The following SNTB1 variants were observed in gnomAD, a reference collection of about 807,000 sequenced individuals.
The protein encoded by SNTB1 is beta-1-syntrophin.
Under a neutral mutation model 48.9 loss-of-function variants are expected in SNTB1, and 36 were observed. That is an observed-to-expected ratio of 0.74 (90% CI 0.56 to 0.97). The LOEUF is 0.97. Among genes scored for constraint, SNTB1 ranks in the 50% least tolerant of loss-of-function variants. The pLI is 0.00. For synonymous variants in SNTB1, 299 were observed against 294.6 expected, an observed-to-expected ratio of 1.01 and a Z score of -0.15; for missense variants, 786 against 703.4, an observed-to-expected ratio of 1.12 and a Z score of -1.33.
intron 2 of SNTB1, among the ~76,000 whole-genome samples, chr8:120,646,648 C>A (rs1220105677): frequency 2.0e-5 from 3 of 151,618 alleles, no homozygotes; most frequent in Non-Finnish European, 4.4e-5. Flanking sequence ...TGTCTCTGCC[C>A]GGCTTTGGTA....
intron 1 of SNTB1, chr8:120,776,733 C>G (rs534316487): frequency 1.3e-5 from 2 of 152,096 alleles, no homozygotes; most frequent in Admixed American, 6.5e-5. Flanking sequence ...CATATCAGTA[C>G]CCCCAGGAGC....
At chr8:120,710,798 C>T (rs910145979) in intron 1 of SNTB1, among the ~76,000 whole-genome samples, 3 of 152,204 alleles carry the variant, frequency 2.0e-5, no homozygotes, top group South Asian at 2.1e-4. Flanking sequence ...CCTCCAGAAC[C>T]ATAAGAAATA....
chr8:120,638,685 C>T (rs963257144), intron 2 of SNTB1, among the ~76,000 whole-genome samples: 3 of 152,088 alleles, frequency 2.0e-5, no homozygotes, highest in Admixed American at 2.0e-4. Context: ...TGATAGTTTG[C>T]TGAGAATGAT....
chr8:120,608,175 C>T (rs1816556360), intron 3 of SNTB1, among the ~76,000 whole-genome samples: 1 of 152,118 alleles, frequency 6.6e-6, no homozygotes, highest in African/African-American at 2.4e-5. Flanking sequence ...AAATTAAACA[C>T]CCAATGAAGA....
intron 2 of SNTB1, among the ~76,000 whole-genome samples, chr8:120,649,642 G>T (rs1354928918): frequency 1.3e-5 from 2 of 148,902 alleles, no homozygotes; most frequent in African/African-American, 2.5e-5. Flanking sequence ...CCTGCCCCCA[G>T]AGGTGGAGCC....
intron 1 of SNTB1, among the ~76,000 whole-genome samples, chr8:120,729,121 G>C (rs1159888009): frequency 6.6e-6 from 1 of 152,074 alleles, no homozygotes; most frequent in Non-Finnish European, 1.5e-5. Flanking sequence ...TGGGACTTCA[G>C]ACACAAGCCA....
At position 120,726,334 on chromosome 8, in the gene SNTB1, AT is replaced by A. The variant is rs530796641; in HGVS notation, c.572-32427del. Among the ~76,000 whole-genome samples, 255 of 149,414 alleles carry A rather than the reference AT, an allele frequency of 1.7e-3. 2 individuals are homozygous for A. The highest frequency in any genetic ancestry group is 5.8e-3 in the African/African-American group (236 of 40,870). On this transcript the variant is annotated intron_variant, in intron 1 of 6. Transcript: ENST00000517992. ...AGACATTGCTGACTGGAGAGGATACATTTTTTTTTTGGGATAAGGATTAAAT... is the reference window on the plus strand; with the variant it reads ...AGACATTGCTGACTGGAGAGGATACATTTTTTTTTGGGATAAGGATTAAAT...
In SNTB1 at chr8:120,610,535, A is replaced by G. The variant is rs188038127; in HGVS notation, c.996+21909T>C. ...CATTTGCAGCCCACTGAGCAGGACTAAAGTTTTTTGTTTGTTTGTTTGTTT... is the reference window on the plus strand; with the variant it reads ...CATTTGCAGCCCACTGAGCAGGACTGAAGTTTTTTGTTTGTTTGTTTGTTT... On this transcript the variant is annotated intron_variant, in intron 3 of 6. Coordinates refer to ENST00000517992, the MANE Select transcript of SNTB1 (RefSeq NM_021021.4). Among the ~76,000 whole-genome samples, 945 of 113,922 alleles carry G rather than the reference A, an allele frequency of 8.3e-3. 8 individuals are homozygous for G. The highest frequency in any genetic ancestry group is 0.022 in the African/African-American group (870 of 39,042). 74.7% of individuals were successfully genotyped at this position (113,922 alleles called of 152,430 possible).
chr8:120,719,890 T>C (rs1818629028), intron 1 of SNTB1, among the ~76,000 whole-genome samples: 1 of 152,236 alleles, frequency 6.6e-6, no homozygotes, highest in Non-Finnish European at 1.5e-5. Flanking sequence ...TCATGAAGAA[T>C]TCCACTTACA....
intron 4 of SNTB1, among the ~76,000 whole-genome samples, chr8:120,571,701 G>T (rs983012491): frequency 1.3e-5 from 2 of 151,868 alleles, no homozygotes; most frequent in African/African-American, 4.8e-5. Flanking sequence ...GTTTTGCCAT[G>T]TTGGTCAGGC....
At position 120,752,386 on chromosome 8, in the gene SNTB1, G is replaced by T. The variant is rs1348229556; in HGVS notation, c.572-58478C>A. ...ATCAATTTCCTCTTCAGTAAAGTGA[G>T]AATAACTTCCCTGACCACCCTCATA... On this transcript the variant is annotated intron_variant, in intron 1 of 6. Transcript: ENST00000517992. 2.6e-5 allele frequency among the ~76,000 whole-genome samples: 4 copies of T among 151,972 alleles called. No homozygotes were observed. The East Asian group carries it at 7.7e-4, about 29-fold the overall frequency.
rs77918614 is a variant in SNTB1 at position 120,719,575 on chromosome 8, T to A, written c.572-25667A>T. On this transcript the variant is annotated intron_variant, in intron 1 of 6. Transcript: ENST00000517992. ...GCTGATCTGATGGGTATCCTTGCCATCCATCATTGCTCCATGTAATTCTCC... is the reference window on the plus strand; with the variant it reads ...GCTGATCTGATGGGTATCCTTGCCAACCATCATTGCTCCATGTAATTCTCC... Among the ~76,000 whole-genome samples the A allele has an allele frequency of 5.6e-3, 859 of 152,332 alleles. 8 individuals carry two copies. The highest frequency in any genetic ancestry group is 7.6e-3 in the Non-Finnish European group (520 of 68,032).
At chr8:120,601,171 C>G (rs1280687659) in intron 3 of SNTB1, among the ~76,000 whole-genome samples, 1 of 151,946 alleles carries the variant, frequency 6.6e-6, no homozygotes, top group Admixed American at 6.6e-5. Flanking sequence ...CGGAATAATC[C>G]AAACCCCAGC....
chr8:120,727,602 A>G (rs1384273050), intron 1 of SNTB1, among the ~76,000 whole-genome samples: 1 of 152,214 alleles, frequency 6.6e-6, no homozygotes, highest in Non-Finnish European at 1.5e-5. Flanking sequence ...AACTACCACC[A>G]GGTGTTTTTT....
At chr8:120,539,071 A>C in intron 6 of SNTB1, 102 bp from the exon 7 acceptor site, 1 of 803,764 alleles carries the variant, frequency 1.2e-6, no homozygotes, top group East Asian at 2.7e-5. Context: ...TCCTTCTTTT[A>C]AATGTTGACT....
chr8:120,643,899 T>G (rs1452866633), intron 2 of SNTB1, among the ~76,000 whole-genome samples: 4 of 152,154 alleles, frequency 2.6e-5, no homozygotes, highest in Non-Finnish European at 5.9e-5. Flanking sequence ...CACCATGAGT[T>G]CTGGTTTATT....
At chr8:120,692,288 A>G (rs1482395513) in intron 2 of SNTB1, among the ~76,000 whole-genome samples, 2 of 152,088 alleles carry the variant, frequency 1.3e-5, no homozygotes, top group African/African-American at 4.8e-5. Flanking sequence ...CCCTGCCCCT[A>G]TTCCCGATGG....
At chr8:120,776,073 C>G (rs1249061306) in intron 1 of SNTB1, among the ~76,000 whole-genome samples, 2 of 152,166 alleles carry the variant, frequency 1.3e-5, no homozygotes, top group Non-Finnish European at 2.9e-5. Flanking sequence ...TTTGACCCAG[C>G]CATCCCATTA....
At chr8:120,694,194 T>G (rs2129865006) in intron 1 of SNTB1, among the ~76,000 whole-genome samples, 1 of 152,086 alleles carries the variant, frequency 6.6e-6, no homozygotes, top group East Asian at 1.9e-4. Flanking sequence ...TTTTAAGTTT[T>G]GCATTCTGGG....
Sources: allele counts gnomAD v4.1 joint callset (sites outside exome capture counted in the v4.1 genomes callset), GRCh38; gene constraint gnomAD v4.1.1; transcripts MANE v1.5; gene names NCBI Gene and HGNC (gene_info 2026-07-23, HGNC 2026-07-21).